KCNJ3: variants seen among roughly 807,000 people sequenced by gnomAD.
KCNJ3 encodes potassium inwardly rectifying channel subfamily J member 3, also known as G protein-activated inward rectifier potassium channel 1.
KCNJ3 carries 4 observed loss-of-function variants against 39.2 expected under a neutral mutation model. That is an observed-to-expected ratio of 0.10 (90% confidence interval 0.05 to 0.23). The LOEUF (loss-of-function observed/expected upper bound fraction) is 0.23, where lower values mean the gene tolerates loss of function less well. Ranked by LOEUF, KCNJ3 falls within the 10% of genes least tolerant of loss-of-function variation. The probability of loss-of-function intolerance (pLI) is 1.00; values close to 1 mark genes in which losing one functional copy is unlikely to be tolerated. For synonymous variants in KCNJ3, 230 were observed against 237.4 expected (o/e 0.97, Z 0.29); for missense variants, 276 against 634.9 (o/e 0.43, Z 6.08).
At chr2:154,795,233 A>G (rs1686702033) in intron 2 of KCNJ3, among the ~76,000 whole-genome samples, 2 of 152,030 alleles carry the variant, frequency 1.3e-5, no homozygotes, top group African/African-American at 4.8e-5. Flanking sequence ...ACAAGTATAC[A>G]TTGTTCAACA....
intron 2 of KCNJ3, among the ~76,000 whole-genome samples, chr2:154,836,492 CTT>C (rs964029479): frequency 6.6e-6 from 1 of 151,748 alleles, no homozygotes; most frequent in African/African-American, 2.4e-5. Context: ...GTTTAGGAAA[CTT>C]TTAATAATGT....
intron 2 of KCNJ3, among the ~76,000 whole-genome samples, chr2:154,716,276 A>ATTTTTTTTTT (rs535989708): frequency 0.013 from 1,542 of 114,678 alleles, no homozygotes; most frequent in Non-Finnish European, 0.019. Flanking sequence ...CGGCCGGCTA[A>ATTTTTTTTTT]TTTTTTTTTT....
chr2:154,709,871 T>C, intron 2 of KCNJ3, 52 bp downstream of exon 2: 1 of 1,596,014 alleles, frequency 6.3e-7, no homozygotes, highest in Non-Finnish European at 8.6e-7. Flanking sequence ...AATGACATTA[T>C]ATGATATGCA....
intron 2 of KCNJ3, among the ~76,000 whole-genome samples, chr2:154,807,802 G>A (rs905183893): frequency 2.6e-5 from 4 of 152,136 alleles, no homozygotes; most frequent in African/African-American, 9.7e-5. Context: ...TATCCTGTAG[G>A]AGAGATGCAC....
At chr2:154,790,648 A>G (rs1441700303) in intron 2 of KCNJ3, among the ~76,000 whole-genome samples, 1 of 152,130 alleles carries the variant, frequency 6.6e-6, no homozygotes, top group Non-Finnish European at 1.5e-5. Context: ...AGTGTTGGTT[A>G]TCACAAGATA....
At chr2:154,755,274 AGATT>A (rs1685917785) in intron 2 of KCNJ3, among the ~76,000 whole-genome samples, 2 of 151,900 alleles carry the variant, frequency 1.3e-5, no homozygotes, top group South Asian at 4.1e-4. Context: ...CTACTTCTTG[AGATT>A]GATTAACCGT....
At chr2:154,827,772 T>A (rs1687294816) in intron 2 of KCNJ3, among the ~76,000 whole-genome samples, 1 of 152,210 alleles carries the variant, frequency 6.6e-6, no homozygotes, top group Non-Finnish European at 1.5e-5. Flanking sequence ...GTTAGCCATA[T>A]TCACTGTAAT....
chr2:154,851,721 G>A (rs1298495739), intron 2 of KCNJ3, among the ~76,000 whole-genome samples: 1 of 152,110 alleles, frequency 6.6e-6, no homozygotes, highest in East Asian at 1.9e-4. Flanking sequence ...TTGAAATCAT[G>A]CATTGGCATT....
At position 154,855,547 on chromosome 2, in the gene KCNJ3, T is replaced by G; in HGVS notation, c.*234T>G. 2.6e-6 allele frequency: 1 copy of G among 377,992 alleles called. No homozygotes were observed. 23.4% of individuals were successfully genotyped at this position (377,992 alleles called of 1,614,324 possible). A position where few individuals can be genotyped will look rare whatever the true frequency, so the allele number is the denominator to read the frequency against. ...ATGTATTATCACATCAAGCATGCAA[T>G]AATGTGCAAATTTTGCATTTAGTTT... is the stretch of plus-strand genomic sequence containing the variant. On this transcript the variant is annotated 3_prime_UTR_variant, in exon 3 of 3. Coordinates refer to ENST00000295101, the MANE Select transcript of KCNJ3 (RefSeq NM_002239.4).
At chr2:154,725,678 G>A (rs575002769) in intron 2 of KCNJ3, among the ~76,000 whole-genome samples, 4 of 152,128 alleles carry the variant, frequency 2.6e-5, no homozygotes, top group African/African-American at 9.6e-5. Context: ...CAAATCTGGA[G>A]GTGTCACATT....
chr2:154,833,499 T>C (rs934671276), intron 2 of KCNJ3, among the ~76,000 whole-genome samples: 3 of 152,224 alleles, frequency 2.0e-5, no homozygotes, highest in Non-Finnish European at 4.4e-5. Flanking sequence ...GTTTGCAGCA[T>C]GCTGTGGTAC....
At chr2:154,839,027 A>T (rs1220354667) in intron 2 of KCNJ3, among the ~76,000 whole-genome samples, 2 of 152,140 alleles carry the variant, frequency 1.3e-5, no homozygotes, top group Non-Finnish European at 2.9e-5. Flanking sequence ...TACATGTGCC[A>T]TGTTTGTTTG....
In KCNJ3 at chr2:154,807,673, G is replaced by A. The variant is rs183160684; in HGVS notation, c.920-47054G>A. Among the ~76,000 whole-genome samples the A allele has an allele frequency of 6.6e-3, 1,008 of 152,264 alleles. 9 individuals are homozygous for A. The highest frequency in any genetic ancestry group is 9.6e-3 in the Non-Finnish European group (650 of 68,020). ...CATTGGAGCTACAGGAGCTAGGGTT[G>A]CCTCTTAATGTTTCTGATTGACTCC... On this transcript the variant is annotated intron_variant, in intron 2 of 2. Coordinates refer to ENST00000295101, the MANE Select transcript of KCNJ3 (RefSeq NM_002239.4).
intron 1 of KCNJ3, among the ~76,000 whole-genome samples, chr2:154,703,507 A>T (rs201991525): frequency 3.9e-4 from 52 of 134,178 alleles, no homozygotes; most frequent in Non-Finnish European, 5.7e-4. Context: ...GTGTGTGTGT[A>T]TACATATCCT....
In KCNJ3 at chr2:154,816,550, G is replaced by A. The variant is rs148861767; in HGVS notation, c.920-38177G>A. Among the ~76,000 whole-genome samples, 31 of 152,206 alleles carry A rather than the reference G, an allele frequency of 2.0e-4. No homozygotes were observed. In the East Asian group the frequency reaches 5.8e-3, roughly 28 times the overall value. On this transcript the variant is annotated intron_variant, in intron 2 of 2. Transcript: ENST00000295101. Reference sequence around the variant, plus strand: ...ATACTTTAAAGGCTTGTGAACTGGTGAAAACAGAAAAGCACTGACAACTGG... The same window carrying A: ...ATACTTTAAAGGCTTGTGAACTGGTAAAAACAGAAAAGCACTGACAACTGG...
chr2:154,721,780 T>C (rs1685266626), intron 2 of KCNJ3, among the ~76,000 whole-genome samples: 1 of 152,148 alleles, frequency 6.6e-6, no homozygotes, highest in African/African-American at 2.4e-5. Flanking sequence ...AAACCCTCTA[T>C]TTTACAGAAA....
At chr2:154,718,330 A>C (rs1254468314) in intron 2 of KCNJ3, among the ~76,000 whole-genome samples, 1 of 152,178 alleles carries the variant, frequency 6.6e-6, no homozygotes, top group Non-Finnish European at 1.5e-5. Context: ...CCTAAATAAA[A>C]TCCTACTTTA....
chr2:154,758,462 C>T (rs562583039), intron 2 of KCNJ3, among the ~76,000 whole-genome samples: 83 of 152,238 alleles, frequency 5.5e-4, no homozygotes, highest in African/African-American at 1.9e-3. Flanking sequence ...CTCCTATATA[C>T]TTTAAATTCA....
At chr2:154,816,450 G>C (rs1025433275) in intron 2 of KCNJ3, among the ~76,000 whole-genome samples, 1 of 152,112 alleles carries the variant, frequency 6.6e-6, no homozygotes, top group African/African-American at 2.4e-5. Flanking sequence ...ATGTCACGTA[G>C]TATAGTATAT....
Sources: allele counts gnomAD v4.1 joint callset (sites outside exome capture counted in the v4.1 genomes callset), GRCh38; gene constraint gnomAD v4.1.1; transcripts MANE v1.5; gene names NCBI Gene and HGNC (gene_info 2026-07-23, HGNC 2026-07-21).